Variants in FHOD3 observed in about 807,000 individuals in gnomAD.
FHOD3 encodes the protein formin homology 2 domain containing 3, also known as FH1/FH2 domain-containing protein 3.
Under a neutral mutation model 173.0 loss-of-function variants are expected in FHOD3, and 90 were observed. The observed-to-expected ratio is 0.52, with a 90% confidence interval of 0.44 to 0.62. FHOD3 has a LOEUF of 0.62. FHOD3 is among the 20% of genes least tolerant of loss of function. The pLI is 0.00. For missense variants in FHOD3, 1,945 were observed against 2,034.7 expected, an observed-to-expected ratio of 0.96 and a Z score of 0.85; for synonymous variants, 828 against 823.0, an observed-to-expected ratio of 1.01 and a Z score of -0.10.
intron 1 of FHOD3, among the ~76,000 whole-genome samples, chr18:36,323,011 C>T (rs528416876): frequency 6.6e-6 from 1 of 152,264 alleles, no homozygotes; most frequent in East Asian, 1.9e-4. Flanking sequence ...CAAAAATGGC[C>T]TTTGAATCCC....
chr18:36,671,884 G>A (rs2037557326), intron 14 of FHOD3, among the ~76,000 whole-genome samples: 1 of 152,194 alleles, frequency 6.6e-6, no homozygotes, highest in African/African-American at 2.4e-5. Flanking sequence ...ACAAAACAGT[G>A]AAGGAACGAA....
rs191515759 is a variant in FHOD3, at chr18:36,506,843, A to G, written c.405+4844A>G. Among the ~76,000 whole-genome samples the G allele has an allele frequency of 2.5e-3, 383 of 152,328 alleles. 1 individual carries two copies. Among genetic ancestry groups the G allele is most frequent in the African/African-American group, 8.6e-3 (359 of 41,578 alleles). Reference sequence around the variant, plus strand: ...ACAAAAACGCTTGTTAATGAGGCAGATGATTGTGGAGAAAACATTAAAAGC... The same window carrying G: ...ACAAAAACGCTTGTTAATGAGGCAGGTGATTGTGGAGAAAACATTAAAAGC... On this transcript the variant is annotated intron_variant, in intron 4 of 28. Transcript: ENST00000590592.
At chr18:36,462,751 T>C (rs996749827) in intron 3 of FHOD3, among the ~76,000 whole-genome samples, 4 of 152,218 alleles carry the variant, frequency 2.6e-5, no homozygotes, top group African/African-American at 9.6e-5. Flanking sequence ...CAACCACCTG[T>C]GTAGCTAGGG....
intron 1 of FHOD3, among the ~76,000 whole-genome samples, chr18:36,342,613 G>A (rs977163424): frequency 2.6e-5 from 4 of 152,114 alleles, no homozygotes; most frequent in African/African-American, 7.2e-5. Flanking sequence ...CTAGCAAAAC[G>A]TCCTTCAAAA....
At chr18:36,587,879 C>T (rs985052799) in intron 6 of FHOD3, among the ~76,000 whole-genome samples, 1 of 152,156 alleles carries the variant, frequency 6.6e-6, no homozygotes, top group African/African-American at 2.4e-5. Context: ...ATTTCCTGTT[C>T]GCTAGCAAAA....
intron 5 of FHOD3, among the ~76,000 whole-genome samples, chr18:36,522,002 T>C (rs1298846780): frequency 1.3e-5 from 2 of 152,220 alleles, no homozygotes; most frequent in Non-Finnish European, 2.9e-5. Context: ...TCAGATATTG[T>C]AATCTCCAGG....
chr18:36,368,645 C>T (rs1430921035), intron 2 of FHOD3, among the ~76,000 whole-genome samples: 1 of 152,116 alleles, frequency 6.6e-6, no homozygotes, highest in Non-Finnish European at 1.5e-5. Flanking sequence ...GCTATAAAGA[C>T]ATACCTGAGA....
At chr18:36,530,486 G>A (rs765763794) in intron 5 of FHOD3, among the ~76,000 whole-genome samples, 12 of 152,238 alleles carry the variant, frequency 7.9e-5, no homozygotes, top group Non-Finnish European at 1.5e-4. Context: ...GTGAGTGATT[G>A]TTGAGAGAAT....
intron 18 of FHOD3, among the ~76,000 whole-genome samples, chr18:36,713,781 T>A (rs1265730824): frequency 6.6e-6 from 1 of 152,146 alleles, no homozygotes; most frequent in Non-Finnish European, 1.5e-5. Flanking sequence ...TATGTATCAA[T>A]TTGAAAATTT....
At chr18:36,482,956 T>C (rs1000493547) in intron 3 of FHOD3, among the ~76,000 whole-genome samples, 13 of 149,936 alleles carry the variant, frequency 8.7e-5, no homozygotes, top group African/African-American at 2.7e-4. Context: ...CAGTTAAAAA[T>C]GATAGCCAAG....
intron 25 of FHOD3, among the ~76,000 whole-genome samples, chr18:36,758,137 A>T (rs540124686): frequency 7.5e-4 from 115 of 152,372 alleles, no homozygotes; most frequent in Middle Eastern, 6.8e-3. Context: ...AGAATTTTTT[A>T]AAAGAGAGTA....
intron 6 of FHOD3, among the ~76,000 whole-genome samples, chr18:36,590,571 T>A (rs2059183094): frequency 2.0e-5 from 3 of 152,336 alleles, no homozygotes; most frequent in Admixed American, 2.0e-4. Context: ...ATTTAACTAA[T>A]ATGCTTATTA....
intron 6 of FHOD3, among the ~76,000 whole-genome samples, chr18:36,589,677 A>G (rs1311107287): frequency 6.6e-6 from 1 of 152,178 alleles, no homozygotes; most frequent in African/African-American, 2.4e-5. Context: ...TCCTTCTGCA[A>G]AGGCCTTAGT....
At chr18:36,409,280 T>C (rs1024553827) in intron 3 of FHOD3, among the ~76,000 whole-genome samples, 23 of 152,116 alleles carry the variant, frequency 1.5e-4, no homozygotes, top group Admixed American at 1.5e-3. Context: ...GTGATATCCA[T>C]GTAGAGAAAA....
Position 36,492,953 on chromosome 18 carries a change from C to T in FHOD3, c.338-8979C>T, listed in dbSNP as rs118051740. On this transcript the variant is annotated intron_variant, in intron 3 of 28. Coordinates refer to ENST00000590592, the MANE Select transcript of FHOD3 (RefSeq NM_001281740.3). Reference sequence around the variant, plus strand: ...ATTTTTATTGTACAATCACATCATACGGCCAATTCCATTTCTGTTAGCCAT... The same window carrying T: ...ATTTTTATTGTACAATCACATCATATGGCCAATTCCATTTCTGTTAGCCAT... Among the ~76,000 whole-genome samples the T allele has an allele frequency of 2.4e-3, 367 of 152,292 alleles. 1 individual carries two copies. The highest frequency in any genetic ancestry group is 4.0e-3 in the Non-Finnish European group (275 of 68,030).
chr18:36,496,673 T>G (rs1006920480), intron 3 of FHOD3, among the ~76,000 whole-genome samples: 14 of 152,210 alleles, frequency 9.2e-5, no homozygotes, highest in Admixed American at 3.3e-4. Context: ...AATAAATATT[T>G]TGTTACTTTT....
At position 36,565,132 on chromosome 18, in the gene FHOD3, A is replaced by AGT. The variant is rs1343162090; in HGVS notation, c.512-11319_512-11318insGT. Among the ~76,000 whole-genome samples, 5 of 152,084 alleles carry AGT rather than the reference A, an allele frequency of 3.3e-5. No individual in the cohort carries two copies. The East Asian group carries it at 9.6e-4, about 29-fold the overall frequency. On this transcript the variant is annotated intron_variant, in intron 5 of 28. Coordinates refer to ENST00000590592, the MANE Select transcript of FHOD3 (RefSeq NM_001281740.3). ...TTAAGTGGAAAAGAATAATAACTAG[A>AGT]CTCCAAGGTCTTCATTTAGTTCCAA... is the stretch of plus-strand genomic sequence containing the variant.
intron 19 of FHOD3, 75 bp downstream of exon 19, chr18:36,718,790 T>G: frequency 6.6e-7 from 1 of 1,520,484 alleles, no homozygotes; most frequent in Non-Finnish European, 8.8e-7. Flanking sequence ...TATAAAATAC[T>G]ATTTTGCATT....
rs1055486560 is a variant in FHOD3 at position 36,512,294 on chromosome 18, T to C, written c.406-144T>C. ...GGTTGTAAAATTCTTTTGGCAACAG[T>C]TGATATGCTTCATTTGAATACAGCA... is the stretch of plus-strand genomic sequence containing the variant. On this transcript the variant is annotated intron_variant, in intron 4 of 28. Coordinates refer to ENST00000590592, the MANE Select transcript of FHOD3 (RefSeq NM_001281740.3). 20 of 658,712 alleles carry C rather than the reference T, an allele frequency of 3.0e-5. 1 individual carries two copies. Among genetic ancestry groups the C allele is most frequent in the Admixed American group, 1.6e-4 (7 of 44,206 alleles). The allele number at this position is 658,712 out of a possible 1,614,324, so 40.8% of individuals were successfully genotyped here.
Sources: allele counts gnomAD v4.1 joint callset (sites outside exome capture counted in the v4.1 genomes callset), GRCh38; gene constraint gnomAD v4.1.1; transcripts MANE v1.5; gene names NCBI Gene and HGNC (gene_info 2026-07-23, HGNC 2026-07-21).